Variants in SPINK7 observed in about 807,000 individuals in gnomAD.
SPINK7 encodes the protein serine peptidase inhibitor Kazal type 7.
Under a neutral mutation model 11.6 loss-of-function variants are expected in SPINK7, and 8 were observed. That is an observed-to-expected ratio of 0.69 (90% CI 0.41 to 1.25). SPINK7 has a LOEUF of 1.25. Ranked by LOEUF, SPINK7 falls within the 50% of genes most tolerant of loss-of-function variation. The pLI, the probability that SPINK7 is intolerant of heterozygous loss-of-function variation, is 0.01. For synonymous variants in SPINK7, 38 were observed against 35.3 expected (o/e 1.08, Z -0.27); for missense variants, 113 against 99.3 (o/e 1.14, Z -0.58).
rs374264422 is a variant in SPINK7 at position 148,314,180 on chromosome 5, C to T, written c.168C>T (p.Asp56=). The T allele has an allele frequency of 6.2e-7, 1 of 1,613,788 alleles. No homozygotes were observed. The highest frequency in any genetic ancestry group is 2.2e-5 in the East Asian group (1 of 44,868). Residue 56 remains aspartate (D), a synonymous_variant, in exon 3 of 4, where the codon GAC becomes GAT. Coordinates refer to ENST00000274565, the MANE Select transcript of SPINK7 (RefSeq NM_032566.3). The part of the protein sequence containing the change: ...PITYLPVCGS[D]YITYGNECHL... ...CATACCTACCAGTTTGTGGTTCTGACTACATCACCTATGGGAATGAATGTC... is the reference window on the plus strand; with the variant it reads ...CATACCTACCAGTTTGTGGTTCTGATTACATCACCTATGGGAATGAATGTC...
chr5:148,313,152 G>A (rs1172049706), intron 1 of SPINK7, among the ~76,000 whole-genome samples: 2 of 151,914 alleles, frequency 1.3e-5, no homozygotes, highest in African/African-American at 4.8e-5. Context: ...AATAAATAGA[G>A]GAAATTTTTA....
chr5:148,312,709 C>A (rs1481713796), intron 1 of SPINK7, among the ~76,000 whole-genome samples, 165 bp downstream of exon 1: 1 of 151,998 alleles, frequency 6.6e-6, no homozygotes, highest in Non-Finnish European at 1.5e-5. Flanking sequence ...GACTTGAGTC[C>A]AATGTCTTCA....
In SPINK7 at chr5:148,314,192, T is replaced by C. The variant is rs1457226728; in HGVS notation, c.180T>C (p.Tyr60=). 5.0e-6 allele frequency: 8 copies of C among 1,613,764 alleles called. No individual in the cohort carries two copies. In the East Asian group the frequency reaches 1.8e-4, roughly 36 times the overall value. The change falls in exon 3 of 4, where the codon TAT becomes TAC. Residue 60 remains tyrosine, a synonymous_variant. Transcript: ENST00000274565. ...LPVCGSDYIT[Y]GNECHLCTES... ...TTTGTGGTTCTGACTACATCACCTA[T>C]GGGAATGAATGTCACTTGTGTACCG...
At chr5:148,313,459 A>C in intron 2 of SPINK7, 60 bp downstream of exon 2, 1 of 1,259,530 alleles carries the variant, frequency 7.9e-7, no homozygotes, top group Non-Finnish European at 1.1e-6. Flanking sequence ...TAGTCAACAT[A>C]TATGTAGGAT....
At position 148,313,376 on chromosome 5, in the gene SPINK7, G is replaced by A. The variant is rs1177206097; in HGVS notation, c.64G>A (p.Ala22Thr). The change falls in exon 2 of 4, where the codon GCT (alanine) becomes ACT (threonine). Residue 22 changes from alanine (A) to threonine (T), a missense_variant and splice_region_variant. Ala to Thr is a moderately conservative substitution (Grantham distance 58). Coordinates refer to ENST00000274565, the MANE Select transcript of SPINK7 (RefSeq NM_032566.3). ...TVVYFCSSSE[A>T]ASLSPKKVDC... ...CTTCATCTGTATCTCTTTTTCAGAA[G>A]CTGCTAGTCTGTCTCCAAAAAAAGT... 6.2e-7 allele frequency: 1 copy of A among 1,600,170 alleles called. No individual in the cohort carries two copies. The highest frequency in any genetic ancestry group is 8.5e-7 in the Non-Finnish European group (1 of 1,171,376).
chr5:148,315,279 C>T (rs890381842), intron 3 of SPINK7, among the ~76,000 whole-genome samples: 21 of 152,226 alleles, frequency 1.4e-4, no homozygotes, highest in Non-Finnish European at 2.8e-4. Flanking sequence ...GATGAAAGTC[C>T]TCCTCACTAA....
In SPINK7 at chr5:148,315,870, G is replaced by T. The variant is rs144650774; in HGVS notation, c.*186G>T. 477 of 404,392 alleles carry T rather than the reference G, an allele frequency of 1.2e-3. 2 individuals are homozygous for T. Among genetic ancestry groups the T allele is most frequent in the African/African-American group, 8.9e-3 (436 of 48,988 alleles). 25.1% of individuals were successfully genotyped at this position (404,392 alleles called of 1,614,324 possible). A position where few individuals can be genotyped will look rare whatever the true frequency, so the allele number is the denominator to read the frequency against. On this transcript the variant is annotated 3_prime_UTR_variant, in exon 4 of 4. Coordinates refer to ENST00000274565, the MANE Select transcript of SPINK7 (RefSeq NM_032566.3). ...CCTACAAACCCATGCCTCACTGACA[G>T]ACCAGCATTTTTTTTTTAACACGTC...
chr5:148,315,693 T>A lies in SPINK7; in HGVS notation c.*9T>A. The A allele has an allele frequency of 6.5e-7, 1 of 1,536,418 alleles. No homozygotes were observed. The highest frequency in any genetic ancestry group is 1.7e-5 in the Admixed American group (1 of 59,792). ...ACGATGGAAGTTGCTAAATTCTCCA[T>A]GGACATAGAGAGAAAGGAATGATAT... On this transcript the variant is annotated 3_prime_UTR_variant, in exon 4 of 4. Transcript: ENST00000274565.
chr5:148,312,622 C>G (rs992285760), intron 1 of SPINK7, 78 bp downstream of exon 1: 1 of 785,386 alleles, frequency 1.3e-6, no homozygotes. Context: ...ATGTGAGCAT[C>G]TCAGAAACAT....
chr5:148,315,757 T>C lies in SPINK7; in HGVS notation c.*73T>C. The stretch of plus-strand genomic sequence containing the variant: ...TTCATCATCCCAGGCTCTGACTGAG[T>C]TTCTTTCAGTTTTACTGATGTTCTG... On this transcript the variant is annotated 3_prime_UTR_variant, in exon 4 of 4. Transcript: ENST00000274565. The C allele has an allele frequency of 1.1e-6, 1 of 947,504 alleles. No individual in the cohort carries two copies. The highest frequency in any genetic ancestry group is 1.6e-5 in the African/African-American group (1 of 61,726). 58.7% of individuals were successfully genotyped at this position (947,504 alleles called of 1,614,324 possible).
chr5:148,314,111 C>G lies in SPINK7; in HGVS notation c.99C>G (p.Ser33Arg). ...ASLSPKKVDC[S>R]IYKKYPVVAI... is the part of the protein sequence containing the mutation. Reference sequence around the variant, plus strand: ...TGTATATGACACAGGTGGACTGCAGCATTTACAAGAAGTATCCAGTGGTGG... The same window carrying G: ...TGTATATGACACAGGTGGACTGCAGGATTTACAAGAAGTATCCAGTGGTGG... The change falls in exon 3 of 4, where the codon AGC becomes AGG. Residue 33 changes from serine (S) to arginine (R), a missense_variant. Physicochemically the swap from Ser to Arg is moderately radical, Grantham distance 110. Coordinates refer to ENST00000274565, the MANE Select transcript of SPINK7 (RefSeq NM_032566.3). The G allele has an allele frequency of 6.2e-7, 1 of 1,613,782 alleles. No homozygotes were observed. The highest frequency in any genetic ancestry group is 8.5e-7 in the Non-Finnish European group (1 of 1,179,798).
intron 2 of SPINK7, 134 bp from the exon 3 acceptor site, chr5:148,313,966 C>G (rs1756895504): frequency 3.9e-6 from 4 of 1,031,950 alleles, no homozygotes; most frequent in Non-Finnish European, 5.9e-6. Flanking sequence ...ATAGTGATAA[C>G]ACTAGTACTT....
intron 2 of SPINK7, 78 bp downstream of exon 2, chr5:148,313,477 G>A (rs1756889076): frequency 6.5e-6 from 7 of 1,077,410 alleles, no homozygotes; most frequent in Middle Eastern, 2.1e-4. Flanking sequence ...GATAAATTAT[G>A]TTTAGGGGGA....
intron 3 of SPINK7, among the ~76,000 whole-genome samples, chr5:148,315,431 G>A (rs138120210): frequency 6.6e-6 from 1 of 152,138 alleles, no homozygotes; most frequent in East Asian, 1.9e-4. Context: ...GGAGGCAGCA[G>A]AGGGGTGGAA....
intron 2 of SPINK7, 76 bp from the exon 3 acceptor site, chr5:148,314,023 GC>G: frequency 6.3e-7 from 1 of 1,584,356 alleles, no homozygotes; most frequent in Non-Finnish European, 8.6e-7. Context: ...GGGACTTCCA[GC>G]CCTTGTAGTA....
chr5:148,314,418 G>A (rs993191656), intron 3 of SPINK7, 194 bp downstream of exon 3: 1 of 611,742 alleles, frequency 1.6e-6, no homozygotes, highest in Middle Eastern at 4.4e-4. Context: ...TGCCAGCTTG[G>A]ACTAGTCCCA....
chr5:148,313,877 G>C, intron 2 of SPINK7: 1 of 552,324 alleles, frequency 1.8e-6, no homozygotes, highest in South Asian at 3.2e-5. Context: ...TAAGTTTAAC[G>C]CCTAGCCCAG....
chr5:148,312,500 G>T lies in SPINK7; in HGVS notation c.17G>T (p.Gly6Val). The T allele has an allele frequency of 6.8e-6, 11 of 1,612,054 alleles. No homozygotes were observed. Among genetic ancestry groups the T allele is most frequent in the Non-Finnish European group, 9.3e-6 (11 of 1,178,298 alleles). The change falls in exon 1 of 4, where the codon GGT becomes GTT. Residue 6 changes from glycine to valine, a missense_variant. By Grantham distance (109) the Gly-to-Val change is moderately radical. Transcript: ENST00000274565. MKITG[G>V]LLLLCTVVYF... Reference sequence around the variant, plus strand: ...ATTTCCAGCATGAAGATCACTGGGGGTCTCCTTCTGCTCTGTACAGTGGTC... The same window carrying T: ...ATTTCCAGCATGAAGATCACTGGGGTTCTCCTTCTGCTCTGTACAGTGGTC...
chr5:148,314,090 T>C lies in SPINK7; in HGVS notation c.88-10T>C, dbSNP rs754112455. 2.0e-5 allele frequency: 33 copies of C among 1,613,660 alleles called. No homozygotes were observed. Among genetic ancestry groups the C allele is most frequent in the Admixed American group, 1.8e-4 (11 of 59,986 alleles). The stretch of plus-strand genomic sequence containing the variant: ...GAGAAAAACAGGACATTTGCTTGTA[T>C]ATGACACAGGTGGACTGCAGCATTT... On this transcript the variant is annotated splice_polypyrimidine_tract_variant and intron_variant, in intron 2 of 3. Coordinates refer to ENST00000274565, the MANE Select transcript of SPINK7 (RefSeq NM_032566.3).
Sources: allele counts gnomAD v4.1 joint callset (sites outside exome capture counted in the v4.1 genomes callset), GRCh38; gene constraint gnomAD v4.1.1; transcripts MANE v1.5; gene names NCBI Gene and HGNC (gene_info 2026-07-23, HGNC 2026-07-21).